PDK1: variants seen among roughly 807,000 people sequenced by gnomAD.
The protein encoded by PDK1 is pyruvate dehydrogenase kinase 1, also known as [Pyruvate dehydrogenase (acetyl-transferring)] kinase isozyme 1, mitochondrial.
A neutral mutation model predicts 54.2 loss-of-function variants in PDK1; 39 were observed. The ratio of observed to expected loss-of-function variants is 0.72; its 90% CI spans 0.56 to 0.94. PDK1 has a LOEUF of 0.94. PDK1 is among the 40% of genes least tolerant of loss of function. The pLI is 0.00. For missense variants in PDK1, 552 were observed against 566.0 expected (o/e 0.98, Z 0.25); for synonymous variants, 221 against 207.1 (o/e 1.07, Z -0.58).
At chr2:172,700,336 G>GGCGGCCGGT in the PDK1 span, among the ~76,000 whole-genome samples, 1 of 114,884 alleles carries the variant, frequency 8.7e-6, no homozygotes, top group Non-Finnish European at 1.8e-5. Flanking sequence ...GGGCGGCCGG[G>GGCGGCCGGT]CAGAGGCGCC....
chr2:172,706,213 T>C, the PDK1 span, among the ~76,000 whole-genome samples: 2 of 152,218 alleles, frequency 1.3e-5, no homozygotes, highest in African/African-American at 2.4e-5. Context: ...TATTTCAAGA[T>C]GTCCTTTCAA....
At chr2:172,613,940 G>C in the PDK1 span, among the ~76,000 whole-genome samples, 1 of 152,066 alleles carries the variant, frequency 6.6e-6, no homozygotes, top group Non-Finnish European at 1.5e-5. Context: ...GTGTTTTTGA[G>C]GGAGCCAGGA....
chr2:172,711,781 A>C, the PDK1 span, among the ~76,000 whole-genome samples: 1 of 147,832 alleles, frequency 6.8e-6, no homozygotes, highest in Non-Finnish European at 1.5e-5. Context: ...TGAGAGGATC[A>C]CTTGAGCCCG....
chr2:172,557,862 C>CT (rs1558922024), intron 1 of PDK1, among the ~76,000 whole-genome samples: 1 of 152,002 alleles, frequency 6.6e-6, no homozygotes, highest in African/African-American at 2.4e-5. Context: ...AAATTTTCCT[C>CT]TTTCTTTTGA....
the PDK1 span, among the ~76,000 whole-genome samples, chr2:172,649,948 G>A: frequency 2.0e-5 from 3 of 152,166 alleles, no homozygotes; most frequent in Non-Finnish European, 4.4e-5. Context: ...CCACAACCTA[G>A]TGAGGCAGGC....
intron 3 of PDK1, chr2:172,564,115 C>T (rs1574469888): frequency 2.1e-6 from 1 of 473,854 alleles, no homozygotes; most frequent in South Asian, 1.5e-5. Flanking sequence ...CAGAGCAGAG[C>T]AGGTGTTCTC....
intron 8 of PDK1, among the ~76,000 whole-genome samples, chr2:172,579,652 T>G (rs1689784542): frequency 6.6e-6 from 1 of 151,814 alleles, no homozygotes. Flanking sequence ...TTCCTCTTCC[T>G]TCTTATGTGA....
At chr2:172,711,946 T>C in the PDK1 span, among the ~76,000 whole-genome samples, 1 of 150,844 alleles carries the variant, frequency 6.6e-6, no homozygotes, top group Non-Finnish European at 1.5e-5. Context: ...TTTAGGAATA[T>C]GTTCTTATCT....
chr2:172,684,652 C>G, the PDK1 span, among the ~76,000 whole-genome samples: 1 of 152,112 alleles, frequency 6.6e-6, no homozygotes, highest in East Asian at 1.9e-4. Flanking sequence ...CTCTCCAAAC[C>G]TGGTCCTTTA....
intron 8 of PDK1, among the ~76,000 whole-genome samples, chr2:172,580,124 T>C (rs1480501400): frequency 1.3e-5 from 2 of 151,588 alleles, no homozygotes; most frequent in African/African-American, 2.4e-5. Context: ...GTCCGTTTCC[T>C]GAGTTTCCTT....
chr2:172,610,870 C>T (rs1420113439), downstream of PDK1, among the ~76,000 whole-genome samples: 1 of 152,236 alleles, frequency 6.6e-6, no homozygotes, highest in Non-Finnish European at 1.5e-5. Context: ...CTCGGCCTCC[C>T]ATAGTGGCTG....
chr2:172,664,047 C>T, the PDK1 span, among the ~76,000 whole-genome samples: 1 of 149,180 alleles, frequency 6.7e-6, no homozygotes, highest in Non-Finnish European at 1.5e-5. Flanking sequence ...CGCGGTGGCT[C>T]ACACCTGTAA....
At chr2:172,618,283 A>AT in the PDK1 span, among the ~76,000 whole-genome samples, 2 of 152,236 alleles carry the variant, frequency 1.3e-5, no homozygotes, top group Admixed American at 6.5e-5. Context: ...AGTGTATAAG[A>AT]TTGAAAAAGA....
the PDK1 span, among the ~76,000 whole-genome samples, chr2:172,647,282 G>A: frequency 3.3e-5 from 5 of 152,142 alleles, no homozygotes; most frequent in African/African-American, 7.2e-5. Flanking sequence ...GAATATGATG[G>A]ATCGGATACA....
the PDK1 span, among the ~76,000 whole-genome samples, chr2:172,719,064 T>C: frequency 6.6e-6 from 1 of 152,208 alleles, no homozygotes; most frequent in Non-Finnish European, 1.5e-5. Flanking sequence ...TACTAAAAAT[T>C]AGATCATTAT....
chr2:172,675,496 G>C, the PDK1 span, among the ~76,000 whole-genome samples: 1 of 152,182 alleles, frequency 6.6e-6, no homozygotes, highest in Admixed American at 6.5e-5. Context: ...GAGTGTTCTG[G>C]AGAGATTATC....
chr2:172,644,542 A>G, the PDK1 span, among the ~76,000 whole-genome samples: 1 of 152,252 alleles, frequency 6.6e-6, no homozygotes, highest in Non-Finnish European at 1.5e-5. Context: ...CAAGTACTCA[A>G]TAAATGAGAG....
chr2:172,621,822 TATATGTTTATATCTCATATGTATGATAC>T, the PDK1 span, among the ~76,000 whole-genome samples: 6 of 146,144 alleles, frequency 4.1e-5, no homozygotes, highest in East Asian at 2.0e-4. Context: ...ATATGTATGA[TATATGTTTATATCTCATATGTATGATAC>T]ATGTTTATAT....
the PDK1 span, among the ~76,000 whole-genome samples, chr2:172,660,154 G>A: frequency 6.8e-3 from 963 of 142,372 alleles, 9 homozygotes; most frequent in African/African-American, 0.024. Flanking sequence ...TTCCAGGATT[G>A]TTTACTAATG....
Sources: allele counts gnomAD v4.1 joint callset (sites outside exome capture counted in the v4.1 genomes callset), GRCh38; gene constraint gnomAD v4.1.1; transcripts MANE v1.5; gene names NCBI Gene and HGNC (gene_info 2026-07-23, HGNC 2026-07-21).